MIDEAS: variants seen among roughly 807,000 people sequenced by gnomAD.
MIDEAS encodes mitotic deacetylase-associated SANT domain protein.
Under a neutral mutation model 102.7 loss-of-function variants are expected in MIDEAS, and 26 were observed. That is an observed-to-expected ratio of 0.25 (90% CI 0.19 to 0.35). The LOEUF (loss-of-function observed/expected upper bound fraction) is 0.35. MIDEAS is among the 10% of genes least tolerant of loss of function. The pLI is 1.00. For synonymous variants in MIDEAS, 585 were observed against 591.0 expected (o/e 0.99, Z 0.15); for missense variants, 1,231 against 1,435.6 (o/e 0.86, Z 2.30).
intron 1 of MIDEAS, among the ~76,000 whole-genome samples, chr14:73,780,505 G>A (rs2053745575): frequency 6.6e-6 from 1 of 152,358 alleles, no homozygotes; most frequent in South Asian, 2.1e-4. Context: ...ACTCACTCAT[G>A]CATGGGTATG....
At position 73,718,904 on chromosome 14, in the gene MIDEAS, G is replaced by A. The variant is rs1259345540; in HGVS notation, c.3239C>T (p.Ala1080Val). 8 of 1,521,102 alleles carry A rather than the reference G, an allele frequency of 5.3e-6. No homozygotes were observed. Among genetic ancestry groups the A allele is most frequent in the South Asian group, 1.2e-5 (1 of 82,440 alleles). 94.2% of individuals were successfully genotyped at this position (1,521,102 alleles called of 1,614,324 possible). Residue 1080 changes from alanine to valine, a missense_variant, in exon 13 of 13, where the codon GCC becomes GTC. Ala to Val is a moderately conservative substitution (Grantham distance 64). This residue lies in a region of MIDEAS where 71 missense variants were observed against 51.9 expected (regional missense o/e 1.37). Transcript: ENST00000423556. The part of the protein sequence containing the change: ...LRLKEKEAAA[A>V]AAAAHQQALR... ...GGCCTGCTGGTGGGCGGCGGCGGCG[G>A]CAGCAGCGGCCTCTTTCTCCTTCAG...
At position 73,715,740 on chromosome 14, in the gene MIDEAS, CCTT is replaced by C. The variant is rs1341725825; in HGVS notation, c.*3100_*3102del. On this transcript the variant is annotated 3_prime_UTR_variant, in exon 13 of 13. Transcript: ENST00000423556. The stretch of plus-strand genomic sequence containing the variant: ...AGGCTTGAGTATGTGTTGTATTCCT[CCTT>C]CATCTTAACATCTGGCACATGAGAA... 1 of 152,602 alleles carries C rather than the reference CCTT, an allele frequency of 6.6e-6. No homozygotes were observed. Among genetic ancestry groups the C allele is most frequent in the East Asian group, 1.9e-4 (1 of 5,204 alleles). 9.5% of individuals were successfully genotyped at this position (152,602 alleles called of 1,614,324 possible). A position where few individuals can be genotyped will look rare whatever the true frequency, so the allele number is the denominator to read the frequency against.
Position 73,739,223 on chromosome 14 carries a change from CTGCTGCTGCTGCTGCTGCTGCTGTGGT to C in MIDEAS, c.759_785del (p.Pro254_Gln262del), listed in dbSNP as rs764189924. On this transcript the variant is annotated inframe_deletion, in exon 2 of 13. Coordinates refer to ENST00000423556, the MANE Select transcript of MIDEAS (RefSeq NM_001367710.1). ...AGAGCGGCATCTGGGGTAGGGCTGC[CTGCTGCTGCTGCTGCTGCTGCTGTGGT>C]TGCTGCTGCTGCTGCTGCTTCTGTG... 8 of 1,415,784 alleles carry C rather than the reference CTGCTGCTGCTGCTGCTGCTGCTGTGGT, an allele frequency of 5.7e-6. 1 individual carries two copies. The highest frequency in any genetic ancestry group is 2.9e-5 in the South Asian group (2 of 68,322). 87.7% of individuals were successfully genotyped at this position (1,415,784 alleles called of 1,614,324 possible).
upstream of MIDEAS, among the ~76,000 whole-genome samples, chr14:73,764,250 G>T (rs1257560007): frequency 7.0e-6 from 1 of 143,852 alleles, no homozygotes; most frequent in Non-Finnish European, 1.5e-5. Context: ...TGAGACATGA[G>T]AATTGCTTGA....
In MIDEAS at chr14:73,725,055, C is replaced by T. The variant is rs2053042057; in HGVS notation, c.2574+217G>A. 18 of 445,972 alleles carry T rather than the reference C, an allele frequency of 4.0e-5. No individual in the cohort carries two copies. In the South Asian group the frequency reaches 4.1e-4, roughly 10 times the overall value. 27.6% of individuals were successfully genotyped at this position (445,972 alleles called of 1,614,324 possible). On this transcript the variant is annotated intron_variant, in intron 9 of 12. Transcript: ENST00000423556. This position sits in a 1 kb window ranked among gnomAD's most constrained non-coding sequence, Gnocchi z 4.1. ...TCTGGATTGAGACCCCAGAGCTTGG[C>T]CACCCTACCCTGAAGTGAGGAAAGG...
chr14:73,752,296 G>A (rs772638529), intron 1 of MIDEAS, among the ~76,000 whole-genome samples: 4 of 152,028 alleles, frequency 2.6e-5, no homozygotes, highest in Non-Finnish European at 5.9e-5. Flanking sequence ...CTATAGTGAC[G>A]GCCTCCCAGG....
chr14:73,746,413 C>T (rs2053351754), intron 1 of MIDEAS, among the ~76,000 whole-genome samples: 2 of 152,222 alleles, frequency 1.3e-5, no homozygotes, highest in African/African-American at 4.8e-5. Context: ...CCCTGGAAAA[C>T]CCATTCCAAC....
intron 3 of MIDEAS, chr14:73,730,237 T>G: frequency 1.5e-6 from 1 of 660,542 alleles, no homozygotes; most frequent in Non-Finnish European, 2.8e-6. Context: ...TGATCTCTGT[T>G]ACATATTCCT....
chr14:73,721,245 G>GC, intron 11 of MIDEAS, 52 bp downstream of exon 11: 1 of 1,575,522 alleles, frequency 6.3e-7, no homozygotes, highest in Non-Finnish European at 8.7e-7. Context: ...ACGCCCCCAG[G>GC]CCCAGCTCCA....
intron 1 of MIDEAS, among the ~76,000 whole-genome samples, chr14:73,784,296 T>C (rs2053785838): frequency 6.6e-6 from 1 of 152,248 alleles, no homozygotes; most frequent in African/African-American, 2.4e-5. Context: ...GTTATGATTC[T>C]GTCTCTGTGT....
chr14:73,764,031 T>A (rs1011161212), upstream of MIDEAS, among the ~76,000 whole-genome samples: 20 of 152,240 alleles, frequency 1.3e-4, no homozygotes, highest in Middle Eastern at 3.4e-3. Flanking sequence ...CCAACCTAGG[T>A]TATCCCTTCT....
At position 73,740,194 on chromosome 14, in the gene MIDEAS, C is replaced by G. The variant is rs1446014239; in HGVS notation, c.-186G>C. On this transcript the variant is annotated 5_prime_UTR_variant, in exon 2 of 13. Coordinates refer to ENST00000423556, the MANE Select transcript of MIDEAS (RefSeq NM_001367710.1). ...AACTGCTGGCTCTTCCTTTCTCTTC[C>G]AGAGAGGCTCTGGGGCTCAGCTACT... 1.5e-6 allele frequency: 1 copy of G among 651,956 alleles called. No individual in the cohort carries two copies. Among genetic ancestry groups the G allele is most frequent in the African/African-American group, 1.9e-5 (1 of 53,266 alleles). 40.4% of individuals were successfully genotyped at this position (651,956 alleles called of 1,614,324 possible). A position where few individuals can be genotyped will look rare whatever the true frequency, so the allele number is the denominator to read the frequency against.
Position 73,737,126 on chromosome 14 carries a change from C to T in MIDEAS, c.1621G>A (p.Ala541Thr). 1 of 1,614,216 alleles carries T rather than the reference C, an allele frequency of 6.2e-7. No individual in the cohort carries two copies. Among genetic ancestry groups the T allele is most frequent in the Non-Finnish European group, 8.5e-7 (1 of 1,180,028 alleles). ...VPVRTVDPTE[A>T]AQAGGLDEDG... is the part of the protein sequence containing the mutation. ...TCATCAAGACCTCCAGCCTGGGCTG[C>T]CTCAGTTGGGTCCACAGTTCGCACA... The change falls in exon 3 of 13, where the codon GCA becomes ACA. Residue 541 changes from alanine (A) to threonine (T), a missense_variant. Ala to Thr is a moderately conservative substitution (Grantham distance 58). Around this residue, in one of 5 missense-constraint regions of MIDEAS, gnomAD observed 758 missense variants for 856.0 expected, o/e 0.89. Transcript: ENST00000423556.
In MIDEAS at chr14:73,739,456, G is replaced by T. The variant is rs749151330; in HGVS notation, c.553C>A (p.Gln185Lys). 2 of 1,600,668 alleles carry T rather than the reference G, an allele frequency of 1.2e-6. No homozygotes were observed. The highest frequency in any genetic ancestry group is 2.3e-5 in the South Asian group (2 of 88,532). Reference protein sequence around the residue: ...LDRYVRPMMPQKVQLEVGRPQ... With the variant: ...LDRYVRPMMPKKVQLEVGRPQ... ...CGCCCTACCTCCAGCTGCACCTTCT[G>T]TGGCATCATTGGTCGCACATAGCGG... The change falls in exon 2 of 13, where the codon CAG (glutamine) becomes AAG (lysine). Residue 185 changes from glutamine to lysine, a missense_variant. This residue lies in a region of MIDEAS where 758 missense variants were observed against 856.0 expected (regional missense o/e 0.89). Transcript: ENST00000423556.
chr14:73,764,511 C>T (rs889838745), upstream of MIDEAS, among the ~76,000 whole-genome samples: 1 of 152,130 alleles, frequency 6.6e-6, no homozygotes, highest in African/African-American at 2.4e-5. Flanking sequence ...CGCTTCTCTC[C>T]CAGCCTGTTC....
Position 73,759,350 on chromosome 14 carries a change from G to A in MIDEAS, c.-248+413C>T, listed in dbSNP as rs1416783230. Among the ~76,000 whole-genome samples the A allele has an allele frequency of 1.3e-5, 2 of 151,978 alleles. No individual in the cohort carries two copies. Among genetic ancestry groups the A allele is most frequent in the Admixed American group, 6.5e-5 (1 of 15,278 alleles). ...GTCAGCCGGTCCCCACGGACACCAC[G>A]TTTCTCTCCAGCGGAGGAGGAGCAG... On this transcript the variant is annotated intron_variant, in intron 1 of 12. Transcript: ENST00000423556. This position sits in a 1 kb window ranked among gnomAD's most constrained non-coding sequence, Gnocchi z 6.7.
At chr14:73,732,785 C>CA (rs57681928) in intron 3 of MIDEAS, among the ~76,000 whole-genome samples, 3,498 of 45,416 alleles carry the variant, frequency 0.077, 119 homozygotes, top group Middle Eastern at 0.16. Flanking sequence ...GACTCCCTCT[C>CA]AAAAAAAAAA....
At position 73,737,066 on chromosome 14, in the gene MIDEAS, G is replaced by A; in HGVS notation, c.1681C>T (p.His561Tyr). The A allele has an allele frequency of 4.3e-6, 7 of 1,614,156 alleles. No individual in the cohort carries two copies. Among genetic ancestry groups the A allele is most frequent in the Non-Finnish European group, 5.9e-6 (7 of 1,180,040 alleles). Residue 561 changes from histidine to tyrosine, a missense_variant, in exon 3 of 13, where the codon CAC (histidine) becomes TAC (tyrosine). His to Tyr is a moderately conservative substitution (Grantham distance 83, BLOSUM62 2). Coordinates refer to ENST00000423556, the MANE Select transcript of MIDEAS (RefSeq NM_001367710.1). ...GKGPEQNPAEHKPSVIVTRRR... is the reference protein window; with the variant it reads ...GKGPEQNPAEYKPSVIVTRRR... ...CGGGTGACGATGACTGATGGCTTGT[G>A]CTCAGCAGGGTTCTGTTCAGGACCC...
At position 73,722,707 on chromosome 14, in the gene MIDEAS, C is replaced by G; in HGVS notation, c.2715G>C (p.Val905=). ...DEKSAQEEVE[V]DIKTSQKFPR... ...TTGGAAAAGGAGTCACCTTAATATC[C>G]ACTTCAACCTCTTCCTGGGCCGACT... The change falls in exon 10 of 13, where the codon GTG becomes GTC. Residue 905 remains valine, a synonymous_variant. Coordinates refer to ENST00000423556, the MANE Select transcript of MIDEAS (RefSeq NM_001367710.1). The G allele has an allele frequency of 6.2e-7, 1 of 1,613,954 alleles. No individual in the cohort carries two copies. The highest frequency in any genetic ancestry group is 1.3e-5 in the African/African-American group (1 of 75,034).
Sources: allele counts gnomAD v4.1 joint callset (sites outside exome capture counted in the v4.1 genomes callset), GRCh38; gene constraint gnomAD v4.1.1; regional missense constraint gnomAD v4.1.1; non-coding constraint Gnocchi (gnomAD v3.1); transcripts MANE v1.5; gene names NCBI Gene and HGNC (gene_info 2026-07-23, HGNC 2026-07-21).